The following SLCO6A1 variants were observed in gnomAD, a reference collection of about 807,000 sequenced individuals.
The protein encoded by SLCO6A1 is solute carrier organic anion transporter family member 6A1.
A neutral mutation model predicts 72.7 loss-of-function variants in SLCO6A1; 65 were observed. That is an observed-to-expected ratio of 0.89 (90% confidence interval 0.73 to 1.10). The LOEUF (loss-of-function observed/expected upper bound fraction) is 1.10. Ranked by LOEUF, SLCO6A1 falls within the 50% of genes least tolerant of loss-of-function variation. SLCO6A1 has a pLI of 0.00. For missense variants in SLCO6A1, 874 were observed against 872.6 expected (o/e 1.00, Z -0.02); for synonymous variants, 314 against 298.2 (o/e 1.05, Z -0.55).
intron 11 of SLCO6A1, among the ~76,000 whole-genome samples, chr5:102,390,210 G>C (rs532809260): frequency 6.6e-5 from 10 of 151,930 alleles, no homozygotes; most frequent in African/African-American, 1.2e-4. Flanking sequence ...CTCCCTTTCC[G>C]ATGCAGGAAA....
intron 10 of SLCO6A1, among the ~76,000 whole-genome samples, chr5:102,395,375 CT>C (rs1419097412): frequency 6.6e-6 from 1 of 151,988 alleles, no homozygotes; most frequent in African/African-American, 2.4e-5. Flanking sequence ...TGAACTCATC[CT>C]TTTTTATGGC....
intron 4 of SLCO6A1, among the ~76,000 whole-genome samples, chr5:102,471,981 A>C (rs1173303072): frequency 2.6e-5 from 4 of 152,064 alleles, no homozygotes; most frequent in Non-Finnish European, 5.9e-5. Context: ...AAATACAACC[A>C]ATCTGGGTAC....
intron 9 of SLCO6A1, among the ~76,000 whole-genome samples, chr5:102,405,599 A>G (rs1266390405): frequency 6.6e-6 from 1 of 152,058 alleles, no homozygotes; most frequent in Non-Finnish European, 1.5e-5. Context: ...TCAGGAATGA[A>G]GGCAAGACAA....
At chr5:102,385,693 T>G (rs969832784) in intron 12 of SLCO6A1, among the ~76,000 whole-genome samples, 1 of 152,128 alleles carries the variant, frequency 6.6e-6, no homozygotes, top group Non-Finnish European at 1.5e-5. Context: ...TCATTTTGTT[T>G]GTGTATTATT....
At chr5:102,375,687 G>A (rs1745744678) in intron 12 of SLCO6A1, among the ~76,000 whole-genome samples, 1 of 152,026 alleles carries the variant, frequency 6.6e-6, no homozygotes, top group African/African-American at 2.4e-5. Flanking sequence ...GGTGCATGAA[G>A]AAATGAGAAA....
At chr5:102,453,894 A>G (rs1750565923) in intron 6 of SLCO6A1, among the ~76,000 whole-genome samples, 1 of 152,100 alleles carries the variant, frequency 6.6e-6, no homozygotes, top group African/African-American at 2.4e-5. Flanking sequence ...GCAGTTTACA[A>G]GCTACTTTGA....
intron 6 of SLCO6A1, among the ~76,000 whole-genome samples, chr5:102,440,673 T>C (rs536536555): frequency 6.6e-6 from 1 of 152,300 alleles, no homozygotes; most frequent in South Asian, 2.1e-4. Context: ...ACCCCAAGTA[T>C]AGTTGAGAGG....
intron 4 of SLCO6A1, among the ~76,000 whole-genome samples, chr5:102,473,351 T>G (rs1186287908): frequency 6.6e-6 from 1 of 151,966 alleles, no homozygotes; most frequent in African/African-American, 2.4e-5. Context: ...TACACCACAT[T>G]AACATAATAG....
chr5:102,420,449 A>G (rs1428953488), intron 7 of SLCO6A1, among the ~76,000 whole-genome samples: 1 of 152,252 alleles, frequency 6.6e-6, no homozygotes, highest in African/African-American at 2.4e-5. Flanking sequence ...CAAGCCACCC[A>G]TTAGTTCTAT....
chr5:102,405,330 G>T (rs1747613853), intron 9 of SLCO6A1, among the ~76,000 whole-genome samples: 2 of 151,760 alleles, frequency 1.3e-5, no homozygotes, highest in South Asian at 4.2e-4. Flanking sequence ...GATTCAAGAA[G>T]TTCAGTGAAT....
chr5:102,391,209 T>G (rs1746739618), intron 10 of SLCO6A1, 164 bp from the exon 11 acceptor site: 2 of 606,860 alleles, frequency 3.3e-6, no homozygotes, highest in Non-Finnish European at 5.8e-6. Flanking sequence ...GGACTACAAC[T>G]CCCCATTTCT....
chr5:102,412,606 C>T (rs1748046122), intron 9 of SLCO6A1, among the ~76,000 whole-genome samples: 1 of 151,938 alleles, frequency 6.6e-6, no homozygotes, highest in African/African-American at 2.4e-5. Context: ...AAAAAAATTA[C>T]AAAAATTAGC....
chr5:102,385,659 A>G (rs1246008403), intron 12 of SLCO6A1, among the ~76,000 whole-genome samples: 3 of 151,550 alleles, frequency 2.0e-5, no homozygotes, highest in African/African-American at 7.3e-5. Context: ...TTTCTTTTTT[A>G]TGGCTTGTAT....
intron 6 of SLCO6A1, among the ~76,000 whole-genome samples, chr5:102,454,336 T>A (rs1008631238): frequency 2.0e-5 from 3 of 152,238 alleles, no homozygotes; most frequent in African/African-American, 7.2e-5. Flanking sequence ...TTCTAACCAA[T>A]GCTCAATAAT....
chr5:102,376,443 G>C (rs1233674591), intron 12 of SLCO6A1, among the ~76,000 whole-genome samples: 1 of 151,898 alleles, frequency 6.6e-6, no homozygotes, highest in Admixed American at 6.6e-5. Flanking sequence ...AATGGAGGGG[G>C]AGAAATGGGC....
Position 102,483,817 on chromosome 5 carries a change from C to T in SLCO6A1, c.359-3383G>A, listed in dbSNP as rs557155038. Among the ~76,000 whole-genome samples, 8 of 152,134 alleles carry T rather than the reference C, an allele frequency of 5.3e-5. No homozygotes were observed. In the East Asian group the frequency reaches 1.3e-3, roughly 26 times the overall value. On this transcript the variant is annotated intron_variant, in intron 1 of 13. Transcript: ENST00000506729. ...GTTTCTCAGGTTCACCAAATTTCACCCAGATGCCTTTATCCTAATTCTCAA... is the reference window on the plus strand; with the variant it reads ...GTTTCTCAGGTTCACCAAATTTCACTCAGATGCCTTTATCCTAATTCTCAA...
At chr5:102,469,234 C>A (rs927468955) in intron 4 of SLCO6A1, among the ~76,000 whole-genome samples, 4 of 151,736 alleles carry the variant, frequency 2.6e-5, no homozygotes, top group African/African-American at 7.3e-5. Context: ...TGGCATTGAA[C>A]CTATAAATTA....
chr5:102,390,030 A>C (rs1432133425), intron 11 of SLCO6A1, among the ~76,000 whole-genome samples: 2 of 152,114 alleles, frequency 1.3e-5, no homozygotes, highest in African/African-American at 4.8e-5. Flanking sequence ...AAATATGAGC[A>C]CTGTGCCTAG....
At chr5:102,435,166 T>A (rs1045937040) in intron 7 of SLCO6A1, among the ~76,000 whole-genome samples, 1 of 152,070 alleles carries the variant, frequency 6.6e-6, no homozygotes, top group African/African-American at 2.4e-5. Context: ...CTTAGGAAGA[T>A]TTTCCTAAGA....
Sources: allele counts gnomAD v4.1 joint callset (sites outside exome capture counted in the v4.1 genomes callset), GRCh38; gene constraint gnomAD v4.1.1; transcripts MANE v1.5; gene names NCBI Gene and HGNC (gene_info 2026-07-23, HGNC 2026-07-21).